The following DNAH17 variants were observed in gnomAD, a reference collection of about 807,000 sequenced individuals.
The protein encoded by DNAH17 is dynein axonemal heavy chain 17, also known as axonemal beta dynein heavy chain 17.
In DNAH17, 376 loss-of-function variants were observed where a neutral mutation model predicts 485.6. The ratio of observed to expected loss-of-function variants is 0.77; its 90% CI spans 0.71 to 0.84. The LOEUF (loss-of-function observed/expected upper bound fraction) is 0.84, where lower values mean the gene tolerates loss of function less well. Among genes scored for constraint, DNAH17 ranks in the 40% least tolerant of loss-of-function variants. The pLI is 0.00. For synonymous variants in DNAH17, 3,031 were observed against 2,405.9 expected (o/e 1.26, Z -7.60); for missense variants, 6,370 against 5,839.3 (o/e 1.09, Z -2.96).
chr17:78,434,339 G>A lies in DNAH17; in HGVS notation c.12034-119C>T, dbSNP rs2086791515. 5.4e-6 allele frequency: 5 copies of A among 924,632 alleles called. No homozygotes were observed. In the Admixed American group the frequency reaches 8.2e-5, roughly 15 times the overall value. 57.3% of individuals were successfully genotyped at this position (924,632 alleles called of 1,614,324 possible). A position where few individuals can be genotyped will look rare whatever the true frequency, so the allele number is the denominator to read the frequency against. On this transcript the variant is annotated intron_variant, in intron 74 of 80. Transcript: ENST00000389840. ...TGCTTTGCTAGGGTGGGGGCGGTGG[G>A]GGGTACAAAGCTGTGGGCTGTGCAG...
chr17:78,568,361 C>A (rs1227957991), intron 9 of DNAH17, among the ~76,000 whole-genome samples: 1 of 152,032 alleles, frequency 6.6e-6, no homozygotes, highest in African/African-American at 2.4e-5. Context: ...TAGAAGAGAA[C>A]TGGACAAGCC....
chr17:78,497,472 G>A (rs1365972136), intron 37 of DNAH17, among the ~76,000 whole-genome samples: 2 of 152,146 alleles, frequency 1.3e-5, no homozygotes, highest in South Asian at 4.1e-4. Flanking sequence ...CCTCTCCTGT[G>A]GTCTCCATTG....
intron 27 of DNAH17, among the ~76,000 whole-genome samples, chr17:78,509,919 C>T (rs1347019711): frequency 6.6e-5 from 10 of 152,174 alleles, no homozygotes; most frequent in East Asian, 1.9e-4. Context: ...CAGTGGCTCA[C>T]GCCTGTAATC....
chr17:78,501,617 CA>C, intron 34 of DNAH17, 124 bp downstream of exon 34: 1 of 1,378,246 alleles, frequency 7.3e-7, no homozygotes. Context: ...GAGGCAGCTG[CA>C]GCCAGCAACA....
chr17:78,570,881 AAAAAGAAAAGAAAAG>A, intron 6 of DNAH17, 52 bp downstream of exon 6: 2 of 812,476 alleles, frequency 2.5e-6, no homozygotes. Context: ...AAAAAAAAGA[AAAAAGAAAAGAAAAG>A]AAAAGAAACA....
At chr17:78,477,978 T>TCACCAC (rs1568117172) in intron 51 of DNAH17, among the ~76,000 whole-genome samples, 3 of 118,006 alleles carry the variant, frequency 2.5e-5, no homozygotes, top group African/African-American at 1.2e-4. Context: ...ACCACCATCA[T>TCACCAC]CATCACCACC....
chr17:78,510,541 G>A (rs548839895), intron 26 of DNAH17, 35 bp from the exon 27 acceptor site: 1 of 1,611,836 alleles, frequency 6.2e-7, no homozygotes, highest in Non-Finnish European at 8.5e-7. Context: ...ATTCATTTCA[G>A]GTCATGTGCA....
chr17:78,516,151 T>C (rs762589300), intron 25 of DNAH17, among the ~76,000 whole-genome samples: 1 of 152,220 alleles, frequency 6.6e-6, no homozygotes, highest in Non-Finnish European at 1.5e-5. Flanking sequence ...GAAACCTTAA[T>C]CTACACAGGA....
Position 78,539,285 on chromosome 17 carries a change from C to A in DNAH17, c.2676+452G>T, listed in dbSNP as rs1005791281. Among the ~76,000 whole-genome samples, 6 of 152,082 alleles carry A rather than the reference C, an allele frequency of 3.9e-5. 1 individual carries two copies. Among genetic ancestry groups the A allele is most frequent in the Non-Finnish European group, 8.8e-5 (6 of 68,006 alleles). ...ATACAGGTAGGAAAGGGGCCATTGCCATGGAAAGCATGCCTCCATGGGATT... is the reference window on the plus strand; with the variant it reads ...ATACAGGTAGGAAAGGGGCCATTGCAATGGAAAGCATGCCTCCATGGGATT... On this transcript the variant is annotated intron_variant, in intron 18 of 80. Coordinates refer to ENST00000389840, the MANE Select transcript of DNAH17 (RefSeq NM_173628.4).
In DNAH17 at chr17:78,555,159, G is replaced by A. The variant is rs147337563; in HGVS notation, c.2179-2354C>T. ...GAAATAGAGTATAAGAGCTGTTACC[G>A]GCTGAAAACCAGACAGAAGTAAAGG... On this transcript the variant is annotated intron_variant, in intron 14 of 80. Transcript: ENST00000389840. Among the ~76,000 whole-genome samples the A allele has an allele frequency of 2.9e-3, 444 of 152,246 alleles. 4 individuals carry two copies. Among genetic ancestry groups the A allele is most frequent in the African/African-American group, 1.0e-2 (415 of 41,542 alleles).
At chr17:78,426,412 C>G (rs761460473) in intron 79 of DNAH17, 45 bp downstream of exon 79, 5 of 1,530,588 alleles carry the variant, frequency 3.3e-6, no homozygotes, top group South Asian at 1.3e-5. Flanking sequence ...TCTGGGCACT[C>G]GGTCCCCGAG....
intron 53 of DNAH17, 50 bp from the exon 54 acceptor site, chr17:78,475,519 C>T (rs748978891): frequency 6.2e-7 from 1 of 1,611,670 alleles, no homozygotes; most frequent in Non-Finnish European, 8.5e-7. Flanking sequence ...CTGGAATCAC[C>T]TCTGTCACCA....
intron 66 of DNAH17, 48 bp from the exon 67 acceptor site, chr17:78,450,894 C>A (rs377344546): frequency 1.3e-6 from 2 of 1,596,120 alleles, no homozygotes; most frequent in Non-Finnish European, 1.7e-6. Flanking sequence ...CTCTGTCCAC[C>A]GGGCACCCGG....
At chr17:78,437,146 G>A (rs2086875731) in intron 74 of DNAH17, among the ~76,000 whole-genome samples, 1 of 152,138 alleles carries the variant, frequency 6.6e-6, no homozygotes, top group African/African-American at 2.4e-5. Flanking sequence ...GGTCAGAGGG[G>A]GGCTGAAGGC....
At chr17:78,508,139 G>A (rs1471541880) in intron 27 of DNAH17, among the ~76,000 whole-genome samples, 1 of 152,164 alleles carries the variant, frequency 6.6e-6, no homozygotes, top group African/African-American at 2.4e-5. Flanking sequence ...ATCAGAACGT[G>A]CCACCCCAAA....
intron 36 of DNAH17, chr17:78,500,049 TGA>T (rs1568160320): frequency 6.9e-6 from 3 of 436,686 alleles, no homozygotes; most frequent in Non-Finnish European, 8.2e-6. Context: ...CAACTGAAAT[TGA>T]GAGAGGGTCA....
intron 30 of DNAH17, 23 bp downstream of exon 30, chr17:78,506,697 G>A (rs372402555): frequency 8.4e-5 from 136 of 1,613,428 alleles, no homozygotes; most frequent in Middle Eastern, 1.7e-4. Flanking sequence ...CTTAAACACC[G>A]GAATGCAAGG....
At chr17:78,431,420 G>A (rs1418470408) in intron 75 of DNAH17, among the ~76,000 whole-genome samples, 3 of 148,976 alleles carry the variant, frequency 2.0e-5, no homozygotes, top group Admixed American at 1.3e-4. Flanking sequence ...GGTGAGTGCT[G>A]TCTGCATTTC....
At chr17:78,505,168 G>T in intron 31 of DNAH17, 125 bp downstream of exon 31, 2 of 1,264,914 alleles carry the variant, frequency 1.6e-6, no homozygotes, top group African/African-American at 1.5e-5. Flanking sequence ...GAGGAGAGGA[G>T]CAGGGGCGGG....
Sources: gnomAD v4.1 joint callset for allele counts (sites outside exome capture counted in the v4.1 genomes callset) on GRCh38, gnomAD v4.1.1 for gene constraint, MANE v1.5 for transcripts, NCBI Gene and HGNC (gene_info 2026-07-23, HGNC 2026-07-21) for gene names.